Variants in WRNIP1 observed in about 807,000 individuals in gnomAD.
WRNIP1 encodes the protein ATPase WRNIP1.
WRNIP1 carries 41 observed loss-of-function variants against 56.1 expected under a neutral mutation model. That is an observed-to-expected ratio of 0.73 (90% CI 0.57 to 0.95). The LOEUF is 0.95. Among genes scored for constraint, WRNIP1 ranks in the 40% least tolerant of loss-of-function variants. The probability of loss-of-function intolerance (pLI) is 0.00; values close to 1 mark genes in which losing one functional copy is unlikely to be tolerated. For missense variants in WRNIP1, 1,170 were observed against 939.4 expected (o/e 1.25, Z -3.21); for synonymous variants, 547 against 398.1 (o/e 1.37, Z -4.45).
intron 3 of WRNIP1, chr6:2,774,021 T>C: frequency 1.0e-6 from 1 of 985,428 alleles, no homozygotes; most frequent in Non-Finnish European, 1.2e-6. Context: ...TTCTTCTTTT[T>C]ATAAAAGTTT....
intron 2 of WRNIP1, 144 bp from the exon 3 acceptor site, chr6:2,769,976 A>G: frequency 8.4e-7 from 1 of 1,194,838 alleles, no homozygotes; most frequent in Non-Finnish European, 1.2e-6. Flanking sequence ...TTGCATCTAT[A>G]TTCAGTGAAT....
At chr6:2,776,919 T>G (rs3799245) in intron 3 of WRNIP1, among the ~76,000 whole-genome samples, 21,174 of 152,264 alleles carry the variant, frequency 0.14, 1,841 homozygotes, top group East Asian at 0.32. Flanking sequence ...AAATTTAATG[T>G]AAATTTTTTT....
intron 3 of WRNIP1, among the ~76,000 whole-genome samples, chr6:2,771,606 C>G (rs1765278793): frequency 6.6e-6 from 1 of 152,164 alleles, no homozygotes; most frequent in Non-Finnish European, 1.5e-5. Context: ...TTTTTGAGCA[C>G]CTTCATGATG....
chr6:2,765,591 CGCGCCGG>C lies in WRNIP1; in HGVS notation c.-23_-17del, dbSNP rs1561902388. On this transcript the variant is annotated 5_prime_UTR_variant, in exon 1 of 7. Transcript: ENST00000380773. Reference sequence around the variant, plus strand: ...CCGCGTGCGCACGGGTTGCTGCGGCCGCGCCGGGCGCCGGGGAGGGCGGCGGCCGCCA... The same window carrying C: ...CCGCGTGCGCACGGGTTGCTGCGGCCGCGCCGGGGAGGGCGGCGGCCGCCA... The C allele has an allele frequency of 3.4e-6, 5 of 1,467,324 alleles. No homozygotes were observed. Among genetic ancestry groups the C allele is most frequent in the South Asian group, 1.3e-5 (1 of 78,116 alleles). 90.9% of individuals were successfully genotyped at this position (1,467,324 alleles called of 1,614,324 possible).
At chr6:2,781,400 GAC>G (rs1341847044) in intron 4 of WRNIP1, among the ~76,000 whole-genome samples, 1 of 152,210 alleles carries the variant, frequency 6.6e-6, no homozygotes, top group Non-Finnish European at 1.5e-5. Flanking sequence ...TGGATCCGCA[GAC>G]ACATAAATAT....
In WRNIP1 at chr6:2,783,439, A is replaced by G. The variant is rs536393691; in HGVS notation, c.1520A>G (p.His507Arg). ...CATTACAACTGCATCTCCGCCCTGC[A>G]CAAGTCCATGCGGGGCTCAGACCAG... Reference protein sequence around the residue: ...EEHYNCISALHKSMRGSDQNA... With the variant: ...EEHYNCISALRKSMRGSDQNA... Residue 507 changes from histidine (H) to arginine (R), a missense_variant, in exon 5 of 7, where the codon CAC (histidine) becomes CGC (arginine). His to Arg is a conservative substitution (Grantham distance 29). Transcript: ENST00000380773. 6 of 1,612,964 alleles carry G rather than the reference A, an allele frequency of 3.7e-6. No individual in the cohort carries two copies. Among genetic ancestry groups the G allele is most frequent in the South Asian group, 2.2e-5 (2 of 90,902 alleles).
In WRNIP1 at chr6:2,765,655, C is replaced by T. The variant is rs768796228; in HGVS notation, c.33C>T (p.Phe11=). MEVSGPEDDP[F]LSQLHQVQCP... ...TGAGCGGGCCGGAAGACGACCCCTT[C>T]CTTTCGCAGCTGCACCAGGTGCAGT... is the stretch of plus-strand genomic sequence containing the variant. The change falls in exon 1 of 7, where the codon TTC becomes TTT. Residue 11 remains phenylalanine, a synonymous_variant. Transcript: ENST00000380773. The T allele has an allele frequency of 1.7e-5, 26 of 1,546,746 alleles. No individual in the cohort carries two copies. The highest frequency in any genetic ancestry group is 1.1e-4 in the South Asian group (10 of 87,438).
intron 2 of WRNIP1, among the ~76,000 whole-genome samples, chr6:2,769,505 T>A (rs181185142): frequency 5.0e-4 from 76 of 151,842 alleles, no homozygotes; most frequent in African/African-American, 1.1e-3. Context: ...CTTTAAAAAA[T>A]TTTTTTTTGT....
chr6:2,779,483 GACC>G lies in WRNIP1; in HGVS notation c.1478_1480del (p.Asp493_Arg494delinsGly). 2 of 1,613,338 alleles carry G rather than the reference GACC, an allele frequency of 1.2e-6. No individual in the cohort carries two copies. The highest frequency in any genetic ancestry group is 1.7e-6 in the Non-Finnish European group (2 of 1,179,632). ...CCTACAGCGATCCCACATTTTATAT[GACC>G]GGGCAGGTAAGTAATTCACCTGTGG... On this transcript the variant is annotated inframe_deletion, in exon 4 of 7. Coordinates refer to ENST00000380773, the MANE Select transcript of WRNIP1 (RefSeq NM_020135.3).
In WRNIP1 at chr6:2,766,350, G is replaced by A. The variant is rs764139984; in HGVS notation, c.728G>A (p.Ser243Asn). 6.2e-7 allele frequency: 1 copy of A among 1,610,506 alleles called. No individual in the cohort carries two copies. The highest frequency in any genetic ancestry group is 2.2e-5 in the East Asian group (1 of 44,760). The change falls in exon 1 of 7, where the codon AGC becomes AAC. Residue 243 changes from serine (S) to asparagine (N), a missense_variant. Coordinates refer to ENST00000380773, the MANE Select transcript of WRNIP1 (RefSeq NM_020135.3). Reference sequence around the variant, plus strand: ...ACGCTGCAGGATTACTTCGGGCAGAGCAAGGCCGTGGGCCAGGATACCCTG... The same window carrying A: ...ACGCTGCAGGATTACTTCGGGCAGAACAAGGCCGTGGGCCAGGATACCCTG... ...PDTLQDYFGQ[S>N]KAVGQDTLLR...
Position 2,786,061 on chromosome 6 carries a change from A to C in WRNIP1, c.*779A>C, listed in dbSNP as rs1765703246. On this transcript the variant is annotated 3_prime_UTR_variant, in exon 7 of 7. Transcript: ENST00000380773. The stretch of plus-strand genomic sequence containing the variant: ...CTTTTACTTTATGTGTGTCCTGAAC[A>C]CAAAATACGCCACTCCTTCTGCTCA... 6.6e-6 allele frequency: 1 copy of C among 152,190 alleles called. No individual in the cohort carries two copies. The highest frequency in any genetic ancestry group is 2.4e-5 in the African/African-American group (1 of 41,448). 9.4% of individuals were successfully genotyped at this position (152,190 alleles called of 1,614,324 possible).
At chr6:2,771,581 T>C (rs1167640437) in intron 3 of WRNIP1, among the ~76,000 whole-genome samples, 1 of 152,188 alleles carries the variant, frequency 6.6e-6, no homozygotes, top group East Asian at 1.9e-4. Context: ...TCCAAAATGC[T>C]CCCAAATCTA....
Position 2,770,263 on chromosome 6 carries a change from G to A in WRNIP1, c.1158G>A (p.Val386=). ...AGAAGCTTCCAGTAGAGGCAATGGT[G>A]ACTATTTTAATGCGAGCGATCAACT... ...VLEKLPVEAM[V]TILMRAINSL... is the part of the protein sequence containing the mutation. Residue 386 remains valine, a synonymous_variant, in exon 3 of 7, where the codon GTG becomes GTA. Transcript: ENST00000380773. The A allele has an allele frequency of 6.2e-7, 1 of 1,614,162 alleles. No homozygotes were observed. Among genetic ancestry groups the A allele is most frequent in the Non-Finnish European group, 8.5e-7 (1 of 1,180,032 alleles).
At chr6:2,767,443 C>T (rs781056163) in intron 1 of WRNIP1, among the ~76,000 whole-genome samples, 3 of 152,220 alleles carry the variant, frequency 2.0e-5, no homozygotes, top group Non-Finnish European at 4.4e-5. Flanking sequence ...CTAGCTTTAT[C>T]TCCCACAACT....
chr6:2,766,706 CA>C (rs765534525), intron 1 of WRNIP1, among the ~76,000 whole-genome samples: 4 of 152,208 alleles, frequency 2.6e-5, no homozygotes, highest in Non-Finnish European at 4.4e-5. Context: ...CATAGTTTTA[CA>C]AGATGTGGAC....
In WRNIP1 at chr6:2,786,094, G is replaced by C. The variant is rs2113490780; in HGVS notation, c.*812G>C. On this transcript the variant is annotated 3_prime_UTR_variant, in exon 7 of 7. Transcript: ENST00000380773. ...CGCCACTCCTTCTGCTCAGTTAAGAGTTATTTGTCCCTACTGCTACTTCCT... is the reference window on the plus strand; with the variant it reads ...CGCCACTCCTTCTGCTCAGTTAAGACTTATTTGTCCCTACTGCTACTTCCT... The C allele has an allele frequency of 6.6e-6, 1 of 152,212 alleles. No individual in the cohort carries two copies. The allele number at this position is 152,212 out of a possible 1,614,324, so 9.4% of individuals were successfully genotyped here. A position where few individuals can be genotyped will look rare whatever the true frequency, so the allele number is the denominator to read the frequency against.
In WRNIP1 at chr6:2,770,153, A is replaced by G; in HGVS notation, c.1048A>G (p.Ile350Val). 4 of 1,614,236 alleles carry G rather than the reference A, an allele frequency of 2.5e-6. No homozygotes were observed. The highest frequency in any genetic ancestry group is 3.4e-6 in the Non-Finnish European group (4 of 1,180,034). Reference protein sequence around the residue: ...TFLPHVECGTITLIGATTENP... With the variant: ...TFLPHVECGTVTLIGATTENP... The stretch of plus-strand genomic sequence containing the variant: ...CCTTCCTCACGTGGAATGTGGGACG[A>G]TCACTCTGATTGGGGCAACCACTGA... The change falls in exon 3 of 7, where the codon ATC becomes GTC. Residue 350 changes from isoleucine (I) to valine (V), a missense_variant. Ile to Val is a conservative substitution (Grantham distance 29). Coordinates refer to ENST00000380773, the MANE Select transcript of WRNIP1 (RefSeq NM_020135.3).
rs1482524850 is a variant in WRNIP1 at position 2,766,050 on chromosome 6, C to T, written c.428C>T (p.Pro143Leu). 2.3e-6 allele frequency: 3 copies of T among 1,293,776 alleles called. No individual in the cohort carries two copies. Among genetic ancestry groups the T allele is most frequent in the Middle Eastern group, 2.9e-4 (1 of 3,396 alleles). The allele number at this position is 1,293,776 out of a possible 1,614,324, so 80.1% of individuals were successfully genotyped here. ...SPGRKGSGKR[P>L]AAAAAAGSAS... ...GGGAGGAAGGGGTCGGGGAAGAGGCCGGCGGCCGCCGCCGCGGCGGGGAGC... is the reference window on the plus strand; with the variant it reads ...GGGAGGAAGGGGTCGGGGAAGAGGCTGGCGGCCGCCGCCGCGGCGGGGAGC... Residue 143 changes from proline (P) to leucine (L), a missense_variant, in exon 1 of 7, where the codon CCG (proline) becomes CTG (leucine). Pro to Leu is a moderately conservative substitution (Grantham distance 98). Transcript: ENST00000380773.
chr6:2,785,369 G>A lies in WRNIP1; in HGVS notation c.*87G>A, dbSNP rs1400104065. ...AGTGGATTGCAAAGTTGGTTGCCTGGTGGAAGTTAGAACAGACCAACATTT... is the reference window on the plus strand; with the variant it reads ...AGTGGATTGCAAAGTTGGTTGCCTGATGGAAGTTAGAACAGACCAACATTT... On this transcript the variant is annotated 3_prime_UTR_variant, in exon 7 of 7. Coordinates refer to ENST00000380773, the MANE Select transcript of WRNIP1 (RefSeq NM_020135.3). 3.3e-6 allele frequency: 5 copies of A among 1,503,576 alleles called. No individual in the cohort carries two copies. The highest frequency in any genetic ancestry group is 4.5e-6 in the Non-Finnish European group (5 of 1,113,348). The allele number at this position is 1,503,576 out of a possible 1,614,324, so 93.1% of individuals were successfully genotyped here.
Sources: gnomAD v4.1 joint callset for allele counts (sites outside exome capture counted in the v4.1 genomes callset) on GRCh38, gnomAD v4.1.1 for gene constraint, MANE v1.5 for transcripts, NCBI Gene and HGNC (gene_info 2026-07-23, HGNC 2026-07-21) for gene names.